The following EDAR variants were observed in gnomAD, a reference collection of about 807,000 sequenced individuals.
EDAR encodes the protein ectodysplasin A receptor.
A neutral mutation model predicts 51.3 loss-of-function variants in EDAR; 38 were observed. That is an observed-to-expected ratio of 0.74 (90% CI 0.57 to 0.97). The LOEUF (loss-of-function observed/expected upper bound fraction) is 0.97, where lower values mean the gene tolerates loss of function less well. Ranked by LOEUF, EDAR falls within the 50% of genes least tolerant of loss-of-function variation. EDAR has a pLI of 0.00. For missense variants in EDAR, 528 were observed against 595.0 expected (o/e 0.89, Z 1.17); for synonymous variants, 227 against 242.1 (o/e 0.94, Z 0.58).
At chr2:108,907,550 A>C (rs945865401) in intron 10 of EDAR, among the ~76,000 whole-genome samples, 1 of 151,980 alleles carries the variant, frequency 6.6e-6, no homozygotes, top group Non-Finnish European at 1.5e-5. Flanking sequence ...TGGGAGGCTG[A>C]GACAGGAGAA....
chr2:108,907,365 G>C (rs1050829628), intron 10 of EDAR, among the ~76,000 whole-genome samples: 30 of 152,096 alleles, frequency 2.0e-4, no homozygotes, highest in Non-Finnish European at 3.8e-4. Flanking sequence ...AAACAAAGTG[G>C]CTGGGCGTGG....
chr2:108,979,374 A>G (rs1355531509), intron 1 of EDAR, among the ~76,000 whole-genome samples: 2 of 151,368 alleles, frequency 1.3e-5, no homozygotes, highest in Non-Finnish European at 2.9e-5. Context: ...CCCCTGCCCC[A>G]CCACTTCCCC....
intron 1 of EDAR, among the ~76,000 whole-genome samples, chr2:108,953,394 G>A (rs1444365977): frequency 1.3e-5 from 2 of 152,074 alleles, no homozygotes; most frequent in East Asian, 3.9e-4. Flanking sequence ...ACAAATTGTA[G>A]ATACTTTATC....
intron 1 of EDAR, among the ~76,000 whole-genome samples, chr2:108,985,346 C>A (rs547332876): frequency 5.6e-4 from 85 of 152,292 alleles, no homozygotes; most frequent in Non-Finnish European, 1.1e-3. Context: ...CAAGTGAAGG[C>A]GCGCCTTCCT....
rs11694748 is a variant in EDAR, at chr2:108,942,502, G to A, written c.-18-11470C>T. ...GTTGGCAAGTTCCCGGGGAGGCCAG[G>A]TGAACCACGATGAACCACGGCGACG... On this transcript the variant is annotated intron_variant, in intron 1 of 11. Transcript: ENST00000258443. 5.9e-3 allele frequency among the ~76,000 whole-genome samples: 901 copies of A among 152,360 alleles called. 5 individuals are homozygous for A. The highest frequency in any genetic ancestry group is 0.01 in the Middle Eastern group (3 of 294).
chr2:108,970,072 C>T (rs1393461364), intron 1 of EDAR, among the ~76,000 whole-genome samples: 1 of 152,214 alleles, frequency 6.6e-6, no homozygotes, highest in African/African-American at 2.4e-5. Context: ...TAAGAAGACA[C>T]TTTCCCCTGT....
intron 1 of EDAR, among the ~76,000 whole-genome samples, chr2:108,983,251 C>A (rs368083557): frequency 3.9e-4 from 60 of 152,286 alleles, no homozygotes; most frequent in African/African-American, 1.4e-3. Context: ...TAGGAACAGC[C>A]ATTTTGAGTC....
chr2:108,962,610 G>A (rs916471641), intron 1 of EDAR, among the ~76,000 whole-genome samples: 2 of 148,580 alleles, frequency 1.3e-5, no homozygotes, highest in Non-Finnish European at 3.0e-5. Flanking sequence ...AGGAGGCGGA[G>A]CTTGCAGAGA....
At chr2:108,902,772 A>T (rs553104287) in intron 11 of EDAR, among the ~76,000 whole-genome samples, 14 of 152,380 alleles carry the variant, frequency 9.2e-5, no homozygotes, top group African/African-American at 3.1e-4. Flanking sequence ...TCAACAATTT[A>T]TAAAAAGCCT....
At chr2:108,935,211 A>C (rs1038747932) in intron 1 of EDAR, among the ~76,000 whole-genome samples, 2 of 151,880 alleles carry the variant, frequency 1.3e-5, no homozygotes, top group African/African-American at 4.8e-5. Flanking sequence ...TCCTTCCTCA[A>C]TTCCCATCTA....
chr2:108,962,634 C>T (rs1698069815), intron 1 of EDAR, among the ~76,000 whole-genome samples: 1 of 147,460 alleles, frequency 6.8e-6, no homozygotes, highest in African/African-American at 2.6e-5. Context: ...GAGATCGCTC[C>T]ACTGCCCTCC....
intron 1 of EDAR, among the ~76,000 whole-genome samples, chr2:108,967,541 CACA>C (rs567640135): frequency 3.5e-4 from 53 of 152,138 alleles, no homozygotes; most frequent in East Asian, 1.2e-3. Flanking sequence ...CAGTCTTGTG[CACA>C]ACAAGTGACT....
chr2:108,978,751 A>G (rs1698373572), intron 1 of EDAR, among the ~76,000 whole-genome samples: 1 of 152,214 alleles, frequency 6.6e-6, no homozygotes, highest in Non-Finnish European at 1.5e-5. Context: ...AGGTTTTGGT[A>G]TGGAGACAGT....
At chr2:108,916,107 C>T (rs1697023593) in intron 5 of EDAR, among the ~76,000 whole-genome samples, 1 of 152,090 alleles carries the variant, frequency 6.6e-6, no homozygotes, top group African/African-American at 2.4e-5. Context: ...CACACTTCAT[C>T]AGGTGAGTGA....
intron 1 of EDAR, among the ~76,000 whole-genome samples, chr2:108,942,412 G>C: frequency 6.6e-6 from 1 of 152,216 alleles, no homozygotes; most frequent in East Asian, 1.9e-4. Flanking sequence ...GGCTCCAAGC[G>C]AGTCAAGGGG....
intron 4 of EDAR, among the ~76,000 whole-genome samples, chr2:108,924,448 T>A (rs1392083739): frequency 6.6e-6 from 1 of 152,232 alleles, no homozygotes; most frequent in Admixed American, 6.5e-5. Flanking sequence ...TTTGTCACAC[T>A]GTGAGTAGTC....
chr2:108,916,232 A>T (rs1697024910), intron 5 of EDAR, among the ~76,000 whole-genome samples: 2 of 152,230 alleles, frequency 1.3e-5, no homozygotes. Context: ...AGGGAGCTTA[A>T]GATACACTGT....
chr2:108,909,638 C>T (rs1317771607), intron 9 of EDAR, among the ~76,000 whole-genome samples: 1 of 152,154 alleles, frequency 6.6e-6, no homozygotes, highest in African/African-American at 2.4e-5. Flanking sequence ...GAGCACATTG[C>T]CTGGCTGGGA....
intron 5 of EDAR, among the ~76,000 whole-genome samples, chr2:108,916,529 G>A (rs901161437): frequency 2.6e-5 from 4 of 152,002 alleles, no homozygotes; most frequent in African/African-American, 4.8e-5. Flanking sequence ...ACCTGCCCTC[G>A]GCCAGCTGTG....
Sources: gnomAD v4.1 joint callset for allele counts (sites outside exome capture counted in the v4.1 genomes callset) on GRCh38, gnomAD v4.1.1 for gene constraint, MANE v1.5 for transcripts, NCBI Gene and HGNC (gene_info 2026-07-23, HGNC 2026-07-21) for gene names.